DTYMK: variants seen among roughly 807,000 people sequenced by gnomAD.
DTYMK encodes thymidylate kinase.
DTYMK carries 20 observed loss-of-function variants against 20.3 expected under a neutral mutation model. That is an observed-to-expected ratio of 0.99 (90% CI 0.69 to 1.43). The LOEUF (loss-of-function observed/expected upper bound fraction) is 1.43. Among genes scored for constraint, DTYMK ranks in the 40% most tolerant of loss-of-function variants. DTYMK has a pLI of 0.00. For missense variants in DTYMK, 320 were observed against 291.1 expected (o/e 1.10, Z -0.72); for synonymous variants, 148 against 124.4 (o/e 1.19, Z -1.27).
chr2:241,678,634 A>C lies in DTYMK; in HGVS notation c.346T>G (p.Trp116Gly), dbSNP rs1384067713. ...AGGCCCACGTCTGGCTGTTTACACC[A>C]ATCTAGGGAAAAATTCTGCCAAGAA... Reference protein sequence around the residue: ...TGAKENFSLDWCKQPDVGLPK... With the variant: ...TGAKENFSLDGCKQPDVGLPK... Residue 116 changes from tryptophan (W) to glycine (G), a missense_variant, in exon 4 of 5, where the codon TGG (tryptophan) becomes GGG (glycine). By Grantham distance (184) the Trp-to-Gly change is radical. Transcript: ENST00000305784. 2.5e-6 allele frequency: 4 copies of C among 1,614,106 alleles called. No individual in the cohort carries two copies. The highest frequency in any genetic ancestry group is 3.4e-6 in the Non-Finnish European group (4 of 1,180,000).
chr2:241,685,941 T>C (rs1375757164), intron 1 of DTYMK, 64 bp from the exon 2 acceptor site: 4 of 1,492,366 alleles, frequency 2.7e-6, no homozygotes, highest in African/African-American at 2.8e-5. Flanking sequence ...TATTACAATA[T>C]AGTTTGGACT....
At chr2:241,678,366 T>G in intron 4 of DTYMK, 86 bp downstream of exon 4, 2 of 1,571,576 alleles carry the variant, frequency 1.3e-6, no homozygotes, top group Non-Finnish European at 1.7e-6. Flanking sequence ...CGGCAGCAGC[T>G]TTGCTGACAC....
chr2:241,678,552 C>A lies in DTYMK; in HGVS notation c.428G>T (p.Arg143Leu). Residue 143 changes from arginine (R) to leucine (L), a missense_variant, in exon 4 of 5, where the codon CGG becomes CTG. By Grantham distance (102) the Arg-to-Leu change is moderately radical. Transcript: ENST00000305784. ...LQLQLADAAKRGAFGHERYEN... is the reference protein window; with the variant it reads ...LQLQLADAAKLGAFGHERYEN... ...ATAGCGCTCATGGCCAAACGCTCCC[C>A]GCTTGGCAGCATCCGCCAGCTGTAA... 1 of 1,614,176 alleles carries A rather than the reference C, an allele frequency of 6.2e-7. No individual in the cohort carries two copies.
intron 2 of DTYMK, among the ~76,000 whole-genome samples, chr2:241,683,500 A>T (rs145719381): frequency 6.6e-6 from 1 of 152,166 alleles, no homozygotes; most frequent in Non-Finnish European, 1.5e-5. Context: ...ATTTCTTCCA[A>T]TGTGGCCCAG....
At chr2:241,676,452 A>G (rs1470811543) in intron 4 of DTYMK, among the ~76,000 whole-genome samples, 1 of 151,882 alleles carries the variant, frequency 6.6e-6, no homozygotes, top group Non-Finnish European at 1.5e-5. Context: ...ACACAGTAAC[A>G]CCCTGTTTCA....
chr2:241,676,088 G>T lies in DTYMK; in HGVS notation c.*39C>A, dbSNP rs762754632. The T allele has an allele frequency of 4.5e-6, 7 of 1,569,834 alleles. No individual in the cohort carries two copies. Among genetic ancestry groups the T allele is most frequent in the Non-Finnish European group, 6.1e-6 (7 of 1,153,024 alleles). ...TTCCGCGAGTCTCCCACCTCTCGGG[G>T]GACTGCAGGGAGAGGCGTCTCCAGT... is the stretch of plus-strand genomic sequence containing the variant. On this transcript the variant is annotated 3_prime_UTR_variant, in exon 5 of 5. Coordinates refer to ENST00000305784, the MANE Select transcript of DTYMK (RefSeq NM_012145.4).
intron 3 of DTYMK, 38 bp from the exon 4 acceptor site, chr2:241,678,687 G>A (rs2069174106): frequency 1.3e-6 from 2 of 1,597,988 alleles, no homozygotes; most frequent in African/African-American, 1.3e-5. Context: ...GCTTAGTGTA[G>A]TCTAGGTTTT....
chr2:241,680,119 T>A (rs2069205393), intron 3 of DTYMK, 110 bp downstream of exon 3: 1 of 978,358 alleles, frequency 1.0e-6, no homozygotes, highest in Non-Finnish European at 1.5e-6. Context: ...AATATAAGAA[T>A]CACGAAACTC....
intron 1 of DTYMK, among the ~76,000 whole-genome samples, chr2:241,686,368 C>T (rs2069404388): frequency 6.6e-6 from 1 of 152,228 alleles, no homozygotes; most frequent in Non-Finnish European, 1.5e-5. Context: ...ATACCCCGCA[C>T]TTAAAGACAC....
chr2:241,683,168 C>T (rs2069305332), intron 2 of DTYMK, among the ~76,000 whole-genome samples: 1 of 152,204 alleles, frequency 6.6e-6, no homozygotes, highest in Admixed American at 6.6e-5. Context: ...TGAAAAGATA[C>T]TCCACATCAT....
At chr2:241,680,198 C>T in intron 3 of DTYMK, 31 bp downstream of exon 3, 7 of 1,611,294 alleles carry the variant, frequency 4.3e-6, no homozygotes, top group East Asian at 2.2e-5. Context: ...CACATCTGTG[C>T]TCGCCTGACA....
rs1260706691 is a variant in DTYMK at position 241,678,435 on chromosome 2, A to G, written c.528+17T>C. ...CACTTCTCCACGCTTCCTAGTGTGCAATTCTGGGATTCTCACCTTCCAGTT... is the reference window on the plus strand; with the variant it reads ...CACTTCTCCACGCTTCCTAGTGTGCGATTCTGGGATTCTCACCTTCCAGTT... On this transcript the variant is annotated intron_variant, in intron 4 of 4. Coordinates refer to ENST00000305784, the MANE Select transcript of DTYMK (RefSeq NM_012145.4). The G allele has an allele frequency of 3.7e-6, 6 of 1,613,884 alleles. No homozygotes were observed. Among genetic ancestry groups the G allele is most frequent in the Non-Finnish European group, 5.1e-6 (6 of 1,179,970 alleles).
chr2:241,678,307 C>G, intron 4 of DTYMK, 145 bp downstream of exon 4: 2 of 1,167,172 alleles, frequency 1.7e-6, no homozygotes, highest in Non-Finnish European at 2.4e-6. Flanking sequence ...ACCGAGAACC[C>G]CTGAACGACT....
At position 241,681,186 on chromosome 2, in the gene DTYMK, G is replaced by A. The variant is rs544883269; in HGVS notation, c.240-867C>T. 2.0e-5 allele frequency among the ~76,000 whole-genome samples: 3 copies of A among 152,310 alleles called. No homozygotes were observed. In the East Asian group the frequency reaches 5.8e-4, roughly 29 times the overall value. On this transcript the variant is annotated intron_variant, in intron 2 of 4. Transcript: ENST00000305784. Reference sequence around the variant, plus strand: ...CACTGCTCAAGACAGAGAAAGAAAAGTCCGATTCATTCGACTCAGCCAGTC... The same window carrying A: ...CACTGCTCAAGACAGAGAAAGAAAAATCCGATTCATTCGACTCAGCCAGTC...
Position 241,678,461 on chromosome 2 carries a change from C to G in DTYMK, c.519G>C (p.Leu173Phe). The change falls in exon 4 of 5, where the codon TTG becomes TTC. Residue 173 changes from leucine to phenylalanine, a missense_variant. By Grantham distance (22) the Leu-to-Phe change is conservative. Coordinates refer to ENST00000305784, the MANE Select transcript of DTYMK (RefSeq NM_012145.4). ...ATTCTGGGATTCTCACCTTCCAGTT[C>G]AAAGTCGTGTCTTTCATGAGCTGGT... ...CFHQLMKDTT[L>F]NWKMVDASKS... The G allele has an allele frequency of 1.2e-6, 2 of 1,614,190 alleles. No individual in the cohort carries two copies. Among genetic ancestry groups the G allele is most frequent in the Non-Finnish European group, 1.7e-6 (2 of 1,180,042 alleles).
At position 241,685,733 on chromosome 2, in the gene DTYMK, G is replaced by T. The variant is rs1553576422; in HGVS notation, c.239+36C>A. On this transcript the variant is annotated intron_variant, in intron 2 of 4. Transcript: ENST00000305784. ...CTGAATCTCAGGAGGAAGGAAAGTG[G>T]CAAGGGCAGAGGGAGCAGTGTGCAA... 6 of 1,589,770 alleles carry T rather than the reference G, an allele frequency of 3.8e-6. No homozygotes were observed. The South Asian group carries it at 6.6e-5, about 18-fold the overall frequency.
At chr2:241,676,825 G>A (rs1443856303) in intron 4 of DTYMK, among the ~76,000 whole-genome samples, 1 of 152,230 alleles carries the variant, frequency 6.6e-6, no homozygotes, top group Admixed American at 6.5e-5. Context: ...GCGGCGAGTC[G>A]GAAGCACAGA....
At chr2:241,678,126 C>T (rs2069158256) in intron 4 of DTYMK, among the ~76,000 whole-genome samples, 1 of 152,058 alleles carries the variant, frequency 6.6e-6, no homozygotes, top group Admixed American at 6.6e-5. Context: ...AAAAATTAGC[C>T]AGGCATGATG....
intron 4 of DTYMK, among the ~76,000 whole-genome samples, chr2:241,677,615 G>A (rs556652538): frequency 3.9e-5 from 6 of 152,366 alleles, no homozygotes; most frequent in Admixed American, 2.0e-4. Context: ...GGTGGGCACG[G>A]GCGACTGGAG....
Sources: gnomAD v4.1 joint callset for allele counts (sites outside exome capture counted in the v4.1 genomes callset) on GRCh38, gnomAD v4.1.1 for gene constraint, MANE v1.5 for transcripts, NCBI Gene and HGNC (gene_info 2026-07-23, HGNC 2026-07-21) for gene names.